The following TASP1 variants were observed in gnomAD, a reference collection of about 807,000 sequenced individuals.
TASP1 encodes taspase 1.
A neutral mutation model predicts 56.6 loss-of-function variants in TASP1; 16 were observed. The ratio of observed to expected loss-of-function variants is 0.28; its 90% CI spans 0.19 to 0.43. TASP1 has a LOEUF of 0.43. TASP1 is among the 20% of genes least tolerant of loss of function. TASP1 has a pLI of 1.00. For missense variants in TASP1, 393 were observed against 511.6 expected (o/e 0.77, Z 2.24); for synonymous variants, 179 against 184.2 (o/e 0.97, Z 0.23).
chr20:13,144,432 C>T, the TASP1 span, among the ~76,000 whole-genome samples: 1 of 152,224 alleles, frequency 6.6e-6, no homozygotes, highest in African/African-American at 2.4e-5. Context: ...GTAGCTATTA[C>T]TATCATCCCC....
the TASP1 span, among the ~76,000 whole-genome samples, chr20:13,214,707 A>C: frequency 6.6e-6 from 1 of 152,300 alleles, no homozygotes; most frequent in Non-Finnish European, 1.5e-5. Flanking sequence ...AGTGAAAGTA[A>C]ATCACAAGGA....
the TASP1 span, among the ~76,000 whole-genome samples, chr20:13,207,252 G>C: frequency 6.6e-6 from 1 of 152,210 alleles, no homozygotes; most frequent in Non-Finnish European, 1.5e-5. Context: ...TCTTAGAACA[G>C]TGGCTGCCCC....
At chr20:13,344,754 G>A in the TASP1 span, among the ~76,000 whole-genome samples, 2 of 152,122 alleles carry the variant, frequency 1.3e-5, no homozygotes, top group Non-Finnish European at 2.9e-5. Flanking sequence ...TATTCCCAAC[G>A]TGCCTTTCCC....
chr20:13,491,513 T>C (rs1158630833), intron 10 of TASP1, among the ~76,000 whole-genome samples: 2 of 152,170 alleles, frequency 1.3e-5, no homozygotes, highest in Non-Finnish European at 2.9e-5. Flanking sequence ...CCATGGGTGT[T>C]TTATGTTGCC....
At chr20:13,370,212 A>T in the TASP1 span, among the ~76,000 whole-genome samples, 2 of 152,312 alleles carry the variant, frequency 1.3e-5, no homozygotes, top group South Asian at 4.1e-4. Context: ...GAATATATTA[A>T]ATCTCAGCAA....
the TASP1 span, among the ~76,000 whole-genome samples, chr20:13,190,889 AG>A: frequency 1.3e-5 from 2 of 152,158 alleles, no homozygotes; most frequent in Non-Finnish European, 2.9e-5. Context: ...CAGCTAAAAA[AG>A]AAAAAATACA....
chr20:13,185,328 C>T, the TASP1 span, among the ~76,000 whole-genome samples: 1 of 152,080 alleles, frequency 6.6e-6, no homozygotes, highest in Admixed American at 6.6e-5. Context: ...CATCTCCCAC[C>T]CCTCCCCCAA....
the TASP1 span, among the ~76,000 whole-genome samples, chr20:13,183,193 G>A: frequency 6.6e-6 from 1 of 152,206 alleles, no homozygotes; most frequent in Non-Finnish European, 1.5e-5. Context: ...CAGAAGGCTG[G>A]ATAATGAGAG....
chr20:13,170,895 G>A, the TASP1 span, among the ~76,000 whole-genome samples: 1 of 152,154 alleles, frequency 6.6e-6, no homozygotes. Context: ...TGGACTAAAG[G>A]CATAAGGAAG....
chr20:13,601,431 T>G (rs899663010), intron 4 of TASP1, among the ~76,000 whole-genome samples: 5 of 152,106 alleles, frequency 3.3e-5, no homozygotes, highest in Non-Finnish European at 5.9e-5. Flanking sequence ...AGAAACAATT[T>G]GAGCAACAAA....
At chr20:13,280,968 A>G in the TASP1 span, among the ~76,000 whole-genome samples, 1 of 152,194 alleles carries the variant, frequency 6.6e-6, no homozygotes, top group Non-Finnish European at 1.5e-5. Flanking sequence ...TATGAAGGGG[A>G]TGACTTGTCT....
At chr20:13,108,274 C>A in the TASP1 span, among the ~76,000 whole-genome samples, 3 of 152,190 alleles carry the variant, frequency 2.0e-5, no homozygotes, top group Non-Finnish European at 2.9e-5. Context: ...CACACACACA[C>A]AAATATATTC....
intron 11 of TASP1, among the ~76,000 whole-genome samples, chr20:13,482,884 A>C (rs1388585660): frequency 6.6e-6 from 1 of 152,230 alleles, no homozygotes; most frequent in Non-Finnish European, 1.5e-5. Flanking sequence ...ATCACTAGAG[A>C]TAGACCTTAA....
the TASP1 span, among the ~76,000 whole-genome samples, chr20:13,129,849 T>C: frequency 6.6e-6 from 1 of 152,224 alleles, no homozygotes; most frequent in Non-Finnish European, 1.5e-5. Context: ...CTTGCTTCTC[T>C]CTCTTAGCCT....
the TASP1 span, among the ~76,000 whole-genome samples, chr20:13,247,517 GGTGTGTGTGTGTGTGTGT>G: frequency 2.9e-5 from 4 of 139,806 alleles, no homozygotes; most frequent in East Asian, 2.1e-4. Context: ...CAAAGTGAGG[GGTGTGTGTGTGTGTGTGT>G]GTGTGTGTGT....
At chr20:13,347,034 A>G in the TASP1 span, among the ~76,000 whole-genome samples, 126 of 152,378 alleles carry the variant, frequency 8.3e-4, no homozygotes, top group African/African-American at 3.0e-3. Flanking sequence ...ATTTAATGTG[A>G]AAAGTGTTGA....
the TASP1 span, among the ~76,000 whole-genome samples, chr20:13,196,560 G>A: frequency 1.3e-5 from 2 of 152,064 alleles, no homozygotes. Flanking sequence ...AGCCACATAA[G>A]GATGTTCAGC....
the TASP1 span, among the ~76,000 whole-genome samples, chr20:13,366,885 C>CACA: frequency 6.6e-6 from 1 of 151,578 alleles, no homozygotes; most frequent in Non-Finnish European, 1.5e-5. Flanking sequence ...CACACACACA[C>CACA]TCTCTCTCAC....
At chr20:13,230,596 C>T in the TASP1 span, among the ~76,000 whole-genome samples, 2 of 151,836 alleles carry the variant, frequency 1.3e-5, no homozygotes, top group African/African-American at 2.4e-5. Context: ...CAATGAAGCC[C>T]CTTAGGTCCT....
Sources: gnomAD v4.1 joint callset for allele counts (sites outside exome capture counted in the v4.1 genomes callset) on GRCh38, gnomAD v4.1.1 for gene constraint, MANE v1.5 for transcripts, NCBI Gene and HGNC (gene_info 2026-07-23, HGNC 2026-07-21) for gene names.